The following PSMD11 variants were observed in gnomAD, a reference collection of about 807,000 sequenced individuals.
PSMD11 encodes 26S proteasome non-ATPase regulatory subunit 11.
Under a neutral mutation model 62.3 loss-of-function variants are expected in PSMD11, and 5 were observed. The ratio of observed to expected loss-of-function variants is 0.08; its 90% CI spans 0.04 to 0.17. PSMD11 has a LOEUF of 0.17. PSMD11 is among the 10% of genes least tolerant of loss of function. The probability of loss-of-function intolerance (pLI) is 1.00; values close to 1 mark genes in which losing one functional copy is unlikely to be tolerated. For missense variants in PSMD11, 310 were observed against 512.9 expected (o/e 0.60, Z 3.82); for synonymous variants, 191 against 191.8 (o/e 1.00, Z 0.03).
At chr17:32,469,286 T>C (rs1908088701) in intron 6 of PSMD11, 93 bp downstream of exon 6, 1 of 1,292,186 alleles carries the variant, frequency 7.7e-7, no homozygotes, top group Non-Finnish European at 1.0e-6. Flanking sequence ...GAGAATAAAA[T>C]TGGCTGATTT....
chr17:32,468,774 A>C (rs1364256078), intron 5 of PSMD11, among the ~76,000 whole-genome samples: 4 of 152,180 alleles, frequency 2.6e-5, no homozygotes, highest in African/African-American at 9.7e-5. Context: ...TGTTGGCTCT[A>C]ATATTGTCCT....
At chr17:32,463,033 T>A (rs1255610694) in intron 3 of PSMD11, among the ~76,000 whole-genome samples, 1 of 152,256 alleles carries the variant, frequency 6.6e-6, no homozygotes, top group East Asian at 1.9e-4. Context: ...ACCTGTTGTA[T>A]TAGCAATTAG....
At chr17:32,444,764 G>A in intron 1 of PSMD11, 150 bp downstream of exon 1, 3 of 848,854 alleles carry the variant, frequency 3.5e-6, no homozygotes, top group Non-Finnish European at 3.5e-6. Flanking sequence ...GCCGCTCGGA[G>A]CTCCCCAGAG....
At chr17:32,477,477 T>C (rs1285394747) in intron 8 of PSMD11, 44 bp from the exon 9 acceptor site, 3 of 1,506,546 alleles carry the variant, frequency 2.0e-6, no homozygotes, top group East Asian at 4.6e-5. Context: ...TAAATGTTAG[T>C]GTGCAGAATA....
chr17:32,472,880 G>C (rs1390532790), intron 6 of PSMD11, among the ~76,000 whole-genome samples: 6 of 149,748 alleles, frequency 4.0e-5, no homozygotes, highest in Non-Finnish European at 8.9e-5. Flanking sequence ...GGTCGGCTGG[G>C]TGTGGTGGCT....
intron 5 of PSMD11, among the ~76,000 whole-genome samples, chr17:32,466,187 G>A (rs1403518067): frequency 1.3e-5 from 2 of 152,062 alleles, no homozygotes; most frequent in Non-Finnish European, 2.9e-5. Context: ...AGTAGAGATG[G>A]GGTTTCACCA....
At chr17:32,459,136 A>ATATATG (rs1026381845) in intron 3 of PSMD11, among the ~76,000 whole-genome samples, 4 of 142,372 alleles carry the variant, frequency 2.8e-5, no homozygotes, top group Non-Finnish European at 6.1e-5. Flanking sequence ...ATATATATAT[A>ATATATG]TATGTATTTT....
At chr17:32,469,351 C>A (rs1020819873) in intron 6 of PSMD11, among the ~76,000 whole-genome samples, 158 bp downstream of exon 6, 1 of 152,180 alleles carries the variant, frequency 6.6e-6, no homozygotes, top group African/African-American at 2.4e-5. Context: ...ACTAGCTGCT[C>A]CCCTCCTGTT....
chr17:32,453,403 T>C lies in PSMD11; in HGVS notation c.194-1092T>C, dbSNP rs541425297. Among the ~76,000 whole-genome samples the C allele has an allele frequency of 1.8e-3, 280 of 152,234 alleles. 2 individuals carry two copies. The highest frequency in any genetic ancestry group is 6.5e-3 in the African/African-American group (268 of 41,538). On this transcript the variant is annotated intron_variant, in intron 2 of 13. Transcript: ENST00000261712. ...TACTGTAGTCTTGTGCAGAGGTGAA[T>C]GAGGTGGCAGAATGGCGAAAAGTTT... is the stretch of plus-strand genomic sequence containing the variant.
chr17:32,483,290 G>C lies in PSMD11; in HGVS notation c.*2538G>C, dbSNP rs1025117290. ...TATGTGTTGAAATATTTTGGGTATT[G>C]GGTTAAATAAAATATATTATTAAAA... On this transcript the variant is annotated 3_prime_UTR_variant, in exon 14 of 14. Transcript: ENST00000261712. 2 of 152,214 alleles carry C rather than the reference G, an allele frequency of 1.3e-5. No individual in the cohort carries two copies. The highest frequency in any genetic ancestry group is 2.4e-5 in the African/African-American group (1 of 41,444). 9.4% of individuals were successfully genotyped at this position (152,214 alleles called of 1,614,324 possible).
intron 3 of PSMD11, among the ~76,000 whole-genome samples, chr17:32,458,485 T>C (rs1907714390): frequency 6.6e-6 from 1 of 152,250 alleles, no homozygotes; most frequent in Non-Finnish European, 1.5e-5. Flanking sequence ...CTTTCCTTCC[T>C]GACTTTAATG....
At chr17:32,452,126 C>T (rs1282883159) in intron 2 of PSMD11, among the ~76,000 whole-genome samples, 2 of 152,182 alleles carry the variant, frequency 1.3e-5, no homozygotes, top group African/African-American at 4.8e-5. Context: ...AACAAAGCCA[C>T]GCCCATTTGT....
At chr17:32,479,701 G>A (rs759256508) in intron 10 of PSMD11, 150 bp from the exon 11 acceptor site, 4 of 878,004 alleles carry the variant, frequency 4.6e-6, no homozygotes, top group Non-Finnish European at 7.2e-6. Context: ...CAGGCAGATG[G>A]GCAGAGAACA....
intron 11 of PSMD11, 85 bp downstream of exon 11, chr17:32,479,971 G>C: frequency 1.3e-6 from 2 of 1,527,618 alleles, no homozygotes; most frequent in Middle Eastern, 3.4e-4. Flanking sequence ...GGCCTCATTG[G>C]AAAGCTCCCC....
At position 32,464,131 on chromosome 17, in the gene PSMD11, C is replaced by T. The variant is rs762272291; in HGVS notation, c.390+11C>T. On this transcript the variant is annotated intron_variant, in intron 4 of 13. Transcript: ENST00000261712. Reference sequence around the variant, plus strand: ...CGCCAAGCTTTGGAGGTAGGTTTTACATTAGTACTCATTTCAGGTCTCTAA... The same window carrying T: ...CGCCAAGCTTTGGAGGTAGGTTTTATATTAGTACTCATTTCAGGTCTCTAA... The T allele has an allele frequency of 1.9e-6, 3 of 1,603,584 alleles. No homozygotes were observed. The South Asian group carries it at 3.3e-5, about 18-fold the overall frequency.
At chr17:32,460,721 G>A (rs993880194) in intron 3 of PSMD11, among the ~76,000 whole-genome samples, 2 of 147,926 alleles carry the variant, frequency 1.4e-5, no homozygotes, top group Non-Finnish European at 3.0e-5. Context: ...TGCAGTGAGC[G>A]CCACTGCACT....
At chr17:32,463,792 T>G (rs1907913061) in intron 3 of PSMD11, among the ~76,000 whole-genome samples, 1 of 152,230 alleles carries the variant, frequency 6.6e-6, no homozygotes, top group Non-Finnish European at 1.5e-5. Context: ...TGGTCTCTCC[T>G]CAGTAGGTAG....
chr17:32,457,264 G>A (rs894618079), intron 3 of PSMD11, among the ~76,000 whole-genome samples: 3 of 152,126 alleles, frequency 2.0e-5, no homozygotes, highest in Admixed American at 2.0e-4. Flanking sequence ...TTTTGAGACA[G>A]CCTTGCTCTG....
At chr17:32,464,327 A>AAC (rs1907928090) in intron 4 of PSMD11, among the ~76,000 whole-genome samples, 194 bp from the exon 5 acceptor site, 1 of 152,250 alleles carries the variant, frequency 6.6e-6, no homozygotes, top group Non-Finnish European at 1.5e-5. Flanking sequence ...AGTAAGCAAC[A>AAC]ACATGGTAAA....
Sources: allele counts gnomAD v4.1 joint callset (sites outside exome capture counted in the v4.1 genomes callset), GRCh38; gene constraint gnomAD v4.1.1; transcripts MANE v1.5; gene names NCBI Gene and HGNC (gene_info 2026-07-23, HGNC 2026-07-21).